Variants in PRC1 observed in about 807,000 individuals in gnomAD.
The protein encoded by PRC1 is anaphase spindle elongation 1 homolog.
A neutral mutation model predicts 91.2 loss-of-function variants in PRC1; 54 were observed. The ratio of observed to expected loss-of-function variants is 0.59; its 90% CI spans 0.48 to 0.74. The LOEUF (loss-of-function observed/expected upper bound fraction) is 0.74. Among genes scored for constraint, PRC1 ranks in the 30% least tolerant of loss-of-function variants. The probability of loss-of-function intolerance (pLI) is 0.00; values close to 1 mark genes in which losing one functional copy is unlikely to be tolerated. For missense variants in PRC1, 727 were observed against 746.2 expected (o/e 0.97, Z 0.30); for synonymous variants, 275 against 263.6 (o/e 1.04, Z -0.42).
intron 1 of PRC1, among the ~76,000 whole-genome samples, chr15:90,991,881 C>A (rs2040001896): frequency 6.6e-6 from 1 of 152,164 alleles, no homozygotes; most frequent in South Asian, 2.1e-4. Context: ...CTACTCAGAA[C>A]CCTCCAACGA....
chr15:90,988,825 G>A (rs1177438597), intron 1 of PRC1, among the ~76,000 whole-genome samples: 1 of 152,102 alleles, frequency 6.6e-6, no homozygotes, highest in Admixed American at 6.6e-5. Context: ...GATATAAAAT[G>A]AATGGCCCTG....
At chr15:90,992,631 T>G (rs1268225425) in intron 1 of PRC1, among the ~76,000 whole-genome samples, 2 of 152,172 alleles carry the variant, frequency 1.3e-5, no homozygotes, top group East Asian at 3.8e-4. Flanking sequence ...GCAATCATTA[T>G]GAACAATTAT....
In PRC1 at chr15:90,974,040, C is replaced by T; in HGVS notation, c.1461+96G>A. 2.1e-6 allele frequency: 2 copies of T among 960,078 alleles called. No homozygotes were observed. The highest frequency in any genetic ancestry group is 1.7e-6 in the Non-Finnish European group (1 of 604,330). The allele number at this position is 960,078 out of a possible 1,614,324, so 59.5% of individuals were successfully genotyped here. On this transcript the variant is annotated intron_variant, in intron 11 of 14. Transcript: ENST00000394249. This position sits in a 1 kb window ranked among gnomAD's most constrained non-coding sequence, Gnocchi z 4.6. The stretch of plus-strand genomic sequence containing the variant: ...CTTGTCCCACCTGATGAGAAATACC[C>T]ACAGGTGTGGAGGGGCTGGCCCCCT...
chr15:90,994,290 C>G (rs1050128451), intron 1 of PRC1, 117 bp downstream of exon 1: 111 of 1,501,634 alleles, frequency 7.4e-5, no homozygotes, highest in Non-Finnish European at 9.8e-5. Context: ...TCGGCGCCGA[C>G]TGCCGTGACG....
intron 1 of PRC1, among the ~76,000 whole-genome samples, chr15:90,993,105 A>T (rs1340819302): frequency 6.8e-6 from 1 of 146,470 alleles, no homozygotes; most frequent in Non-Finnish European, 1.5e-5. Context: ...AAAAAAGTTA[A>T]TTATATCCAT....
rs867081128 is a variant in PRC1 at position 90,975,324 on chromosome 15, G to A, written c.1204-593C>T. ...TCGTCATGTTGGCCAGGCTGGTCTC[G>A]AACTGCCTCGGCCTCCCAAAGCCCT... On this transcript the variant is annotated intron_variant, in intron 9 of 14. Transcript: ENST00000394249. 5.3e-5 allele frequency among the ~76,000 whole-genome samples: 8 copies of A among 152,110 alleles called. No homozygotes were observed. The Middle Eastern group carries it at 0.01, about 194-fold the overall frequency.
rs1420245018 is a variant in PRC1 at position 90,968,590 on chromosome 15, A to G, written c.1791+489T>C. 13 of 992,024 alleles carry G rather than the reference A, an allele frequency of 1.3e-5. No individual in the cohort carries two copies. In the East Asian group the frequency reaches 1.3e-3, roughly 100 times the overall value. 61.5% of individuals were successfully genotyped at this position (992,024 alleles called of 1,614,324 possible). A position where few individuals can be genotyped will look rare whatever the true frequency, so the allele number is the denominator to read the frequency against. On this transcript the variant is annotated intron_variant, in intron 14 of 14. Transcript: ENST00000394249. ...TGCTTCATCTATGCTTCAGTAGCTC[A>G]ATGTATGGAAAGAGGCAAAGGTGAG... is the stretch of plus-strand genomic sequence containing the variant.
At chr15:90,979,418 G>A (rs950462770) in intron 7 of PRC1, 124 bp from the exon 8 acceptor site, 15 of 1,146,218 alleles carry the variant, frequency 1.3e-5, no homozygotes, top group Non-Finnish European at 1.6e-5. Flanking sequence ...TACAGGAAGA[G>A]GCGTGTGTGT....
At chr15:90,973,664 G>T (rs941802575) in intron 11 of PRC1, among the ~76,000 whole-genome samples, 5 of 152,170 alleles carry the variant, frequency 3.3e-5, no homozygotes, top group Non-Finnish European at 7.3e-5. Flanking sequence ...CCTGTGGCTG[G>T]AGGCGAGATA....
At chr15:90,968,502 T>G in intron 14 of PRC1, 1 of 986,380 alleles carries the variant, frequency 1.0e-6, no homozygotes, top group Non-Finnish European at 1.2e-6. Context: ...TGTAGTTAGG[T>G]GTTAGCAAAT....
chr15:90,985,922 A>G (rs1426556605), intron 1 of PRC1: 1 of 151,502 alleles, frequency 6.6e-6, no homozygotes, highest in Non-Finnish European at 1.5e-5. Flanking sequence ...TCCTGACCTC[A>G]AGTGATCCAC....
At chr15:90,978,200 G>A (rs1038563186) in intron 8 of PRC1, among the ~76,000 whole-genome samples, 1 of 152,148 alleles carries the variant, frequency 6.6e-6, no homozygotes, top group Non-Finnish European at 1.5e-5. Flanking sequence ...CAGAAGAAAA[G>A]GAATCAATAC....
intron 1 of PRC1, chr15:90,986,112 A>G (rs1404016603): frequency 6.6e-6 from 1 of 152,244 alleles, no homozygotes; most frequent in Admixed American, 6.5e-5. Flanking sequence ...GTAAATTGGT[A>G]CAACTATTTT....
At chr15:90,988,969 T>C (rs1027735472) in intron 1 of PRC1, among the ~76,000 whole-genome samples, 4 of 152,092 alleles carry the variant, frequency 2.6e-5, no homozygotes, top group Non-Finnish European at 5.9e-5. Context: ...AGTGATCGTT[T>C]TTCTGAGTAA....
chr15:90,984,062 C>G lies in PRC1; in HGVS notation c.223G>C (p.Glu75Gln), dbSNP rs1273013077. ...AACTCGCTGCACAGAGTGTTCAGCTCTTTCTGACAGACGGATATGCTTTTG... is the reference window on the plus strand; with the variant it reads ...AACTCGCTGCACAGAGTGTTCAGCTGTTTCTGACAGACGGATATGCTTTTG... Reference protein sequence around the residue: ...LIKSISVCQKELNTLCSELHV... With the variant: ...LIKSISVCQKQLNTLCSELHV... The change falls in exon 3 of 15, where the codon GAG becomes CAG. Residue 75 changes from glutamate to glutamine, a missense_variant. Coordinates refer to ENST00000394249, the MANE Select transcript of PRC1 (RefSeq NM_003981.4). This position sits in a 1 kb window ranked among gnomAD's most constrained non-coding sequence, Gnocchi z 5.1. 2 of 1,614,112 alleles carry G rather than the reference C, an allele frequency of 1.2e-6. 1 individual carries two copies. Among genetic ancestry groups the G allele is most frequent in the Admixed American group, 3.3e-5 (2 of 60,016 alleles).
At chr15:90,994,103 G>A (rs1417536866) in intron 1 of PRC1, among the ~76,000 whole-genome samples, 1 of 151,966 alleles carries the variant, frequency 6.6e-6, no homozygotes, top group Non-Finnish European at 1.5e-5. Context: ...AGGCCGCCCC[G>A]GGCCCCGGGC....
In PRC1 at chr15:90,992,699, C is replaced by T. The variant is rs564790603; in HGVS notation, c.11+1708G>A. Among the ~76,000 whole-genome samples the T allele has an allele frequency of 2.7e-3, 349 of 129,640 alleles. 1 individual carries two copies. The highest frequency in any genetic ancestry group is 0.014 in the African/African-American group (331 of 24,208). The allele number at this position is 129,640 out of a possible 152,430, so 85.0% of individuals were successfully genotyped here. A position where few individuals can be genotyped will look rare whatever the true frequency, so the allele number is the denominator to read the frequency against. On this transcript the variant is annotated intron_variant, in intron 1 of 14. Coordinates refer to ENST00000394249, the MANE Select transcript of PRC1 (RefSeq NM_003981.4). ...GTTTCAGATAATCCCCTAAAAGCAG[C>T]AAGTCTGAGTTTTTTTTTTAGATTC... is the stretch of plus-strand genomic sequence containing the variant.
chr15:90,977,633 G>T (rs376009533), intron 8 of PRC1, among the ~76,000 whole-genome samples: 1 of 145,006 alleles, frequency 6.9e-6, no homozygotes, highest in African/African-American at 2.6e-5. Flanking sequence ...GCCCAGGCTG[G>T]AGTGCAGTGG....
intron 1 of PRC1, among the ~76,000 whole-genome samples, chr15:90,991,025 C>T (rs2039950623): frequency 6.6e-6 from 1 of 151,952 alleles, no homozygotes; most frequent in Non-Finnish European, 1.5e-5. Flanking sequence ...GATCCGACCG[C>T]CTCGGCCTCC....
Sources: allele counts gnomAD v4.1 joint callset (sites outside exome capture counted in the v4.1 genomes callset), GRCh38; gene constraint gnomAD v4.1.1; non-coding constraint Gnocchi (gnomAD v3.1); transcripts MANE v1.5; gene names NCBI Gene and HGNC (gene_info 2026-07-23, HGNC 2026-07-21).